SGPP2: variants seen among roughly 807,000 people sequenced by gnomAD.
SGPP2 encodes the protein sphingosine-1-phosphate phosphatase 2.
In SGPP2, 30 loss-of-function variants were observed where a neutral mutation model predicts 33.9. The observed-to-expected ratio is 0.89, with a 90% CI of 0.66 to 1.20. SGPP2 has a LOEUF of 1.20. Among genes scored for constraint, SGPP2 ranks in the 50% most tolerant of loss-of-function variants. SGPP2 has a pLI of 0.00. For missense variants in SGPP2, 458 were observed against 532.1 expected, an observed-to-expected ratio of 0.86 and a Z score of 1.37; for synonymous variants, 233 against 225.0, an observed-to-expected ratio of 1.04 and a Z score of -0.32.
chr2:222,481,120 A>C (rs771773263), intron 2 of SGPP2, among the ~76,000 whole-genome samples: 2 of 152,172 alleles, frequency 1.3e-5, no homozygotes, highest in Non-Finnish European at 2.9e-5. Context: ...GAGCATCAGG[A>C]AGAATAGCTA....
rs143129067 is a variant in SGPP2, at chr2:222,505,750, G to A, written c.379-16017G>A. On this transcript the variant is annotated intron_variant, in intron 2 of 4. Transcript: ENST00000321276. ...GAAGTTCAAGACCAGCCTAGGAAAC[G>A]TGGCAAAACCCCATCTCTACAAAAA... 3.1e-3 allele frequency among the ~76,000 whole-genome samples: 467 copies of A among 151,768 alleles called. 3 individuals are homozygous for A. Among genetic ancestry groups the A allele is most frequent in the African/African-American group, 9.0e-3 (371 of 41,400 alleles).
chr2:222,518,399 A>C (rs60822315), intron 2 of SGPP2, among the ~76,000 whole-genome samples: 8,007 of 152,200 alleles, frequency 0.053, 700 homozygotes, highest in African/African-American at 0.18. Flanking sequence ...CCTGTTTCTG[A>C]TGATTTTAAG....
chr2:222,481,201 T>C (rs1371879030), intron 2 of SGPP2, among the ~76,000 whole-genome samples: 1 of 152,092 alleles, frequency 6.6e-6, no homozygotes, highest in Admixed American at 6.5e-5. Context: ...TGTCTACCTA[T>C]GCAACAAACC....
intron 4 of SGPP2, among the ~76,000 whole-genome samples, chr2:222,529,930 C>T (rs1345032887): frequency 1.3e-5 from 2 of 152,186 alleles, no homozygotes; most frequent in Non-Finnish European, 2.9e-5. Flanking sequence ...AGCAATGACT[C>T]CTTGATCCCT....
At chr2:222,527,656 C>T (rs1209648929) in intron 4 of SGPP2, among the ~76,000 whole-genome samples, 1 of 152,174 alleles carries the variant, frequency 6.6e-6, no homozygotes, top group Non-Finnish European at 1.5e-5. Context: ...TTGTCCCCAA[C>T]CCCATCTGTT....
Position 222,521,752 on chromosome 2 carries a change from C to T in SGPP2, c.379-15C>T, listed in dbSNP as rs748763115. 4.4e-6 allele frequency: 7 copies of T among 1,594,436 alleles called. No homozygotes were observed. Among genetic ancestry groups the T allele is most frequent in the Non-Finnish European group, 1.7e-6 (2 of 1,172,800 alleles). ...CTTATTTGATTAGACTTACCTCAGT[C>T]CTTTGGTTTTGCAGTTGGTGATGTA... On this transcript the variant is annotated splice_polypyrimidine_tract_variant and intron_variant, in intron 2 of 4. Coordinates refer to ENST00000321276, the MANE Select transcript of SGPP2 (RefSeq NM_152386.4).
rs563159290 is a variant in SGPP2, at chr2:222,561,526, A to G, written c.*2628A>G. Among the ~76,000 whole-genome samples, 2 of 141,210 alleles carry G rather than the reference A, an allele frequency of 1.4e-5. No homozygotes were observed. Among genetic ancestry groups the G allele is most frequent in the South Asian group, 4.3e-4 (2 of 4,628 alleles). 92.6% of individuals were successfully genotyped at this position (141,210 alleles called of 152,430 possible). A position where few individuals can be genotyped will look rare whatever the true frequency, so the allele number is the denominator to read the frequency against. On this transcript the variant is annotated 3_prime_UTR_variant, in exon 5 of 5. Transcript: ENST00000321276. The stretch of plus-strand genomic sequence containing the variant: ...GGCCTCTCATATATATGATATATAT[A>G]TATCATTTTATATATATATATATAT...
intron 2 of SGPP2, among the ~76,000 whole-genome samples, chr2:222,482,412 T>C (rs1399520529): frequency 6.6e-6 from 1 of 152,176 alleles, no homozygotes; most frequent in African/African-American, 2.4e-5. Context: ...GATTGATTGA[T>C]TGGAGACAGG....
chr2:222,430,238 TC>T (rs1482336161), intron 1 of SGPP2, among the ~76,000 whole-genome samples: 2 of 152,190 alleles, frequency 1.3e-5, no homozygotes, highest in African/African-American at 2.4e-5. Flanking sequence ...AGAAGCTCTT[TC>T]TTTACCTGGA....
intron 4 of SGPP2, among the ~76,000 whole-genome samples, chr2:222,541,097 G>A (rs963176771): frequency 6.6e-6 from 1 of 152,168 alleles, no homozygotes; most frequent in African/African-American, 2.4e-5. Context: ...GATTACAGGC[G>A]TGAGCCACCA....
rs1689556997 is a variant in SGPP2, at chr2:222,562,289, T to C, written c.*3391T>C. On this transcript the variant is annotated 3_prime_UTR_variant, in exon 5 of 5. Coordinates refer to ENST00000321276, the MANE Select transcript of SGPP2 (RefSeq NM_152386.4). ...CAATCTTCATCTAAAACAGCTCTCA[T>C]TTCATGCCAGTTTTGCTCAAACCTG... 6.6e-6 allele frequency among the ~76,000 whole-genome samples: 1 copy of C among 152,210 alleles called. No individual in the cohort carries two copies. The highest frequency in any genetic ancestry group is 2.1e-4 in the South Asian group (1 of 4,832).
intron 2 of SGPP2, among the ~76,000 whole-genome samples, 178 bp from the exon 3 acceptor site, chr2:222,521,589 A>G (rs1302635463): frequency 6.6e-6 from 1 of 152,260 alleles, no homozygotes; most frequent in East Asian, 1.9e-4. Context: ...GAATCCAGAA[A>G]GTCTGTTTTC....
At chr2:222,558,139 A>G (rs550585949) in intron 4 of SGPP2, among the ~76,000 whole-genome samples, 2 of 152,244 alleles carry the variant, frequency 1.3e-5, no homozygotes. Context: ...AAGATACGTA[A>G]CATGAGTAGT....
intron 1 of SGPP2, among the ~76,000 whole-genome samples, chr2:222,462,353 A>G (rs1342466287): frequency 6.6e-6 from 1 of 152,048 alleles, no homozygotes; most frequent in Non-Finnish European, 1.5e-5. Flanking sequence ...TTAGAGCAAA[A>G]GTGAGCAGGG....
intron 4 of SGPP2, among the ~76,000 whole-genome samples, chr2:222,545,861 T>C (rs1689183455): frequency 1.3e-5 from 2 of 152,120 alleles, no homozygotes; most frequent in South Asian, 4.1e-4. Context: ...AAAGGGCAAA[T>C]GGATTGTTTA....
At chr2:222,440,243 G>A (rs1357968345) in intron 1 of SGPP2, among the ~76,000 whole-genome samples, 2 of 152,190 alleles carry the variant, frequency 1.3e-5, no homozygotes, top group East Asian at 3.8e-4. Context: ...ATGTGCCAAG[G>A]AGAGCACAGA....
chr2:222,541,199 G>A (rs548007138), intron 4 of SGPP2, among the ~76,000 whole-genome samples: 8 of 152,264 alleles, frequency 5.3e-5, no homozygotes, highest in African/African-American at 9.6e-5. Context: ...GCCCACTTTC[G>A]TGTTTCTAAA....
At chr2:222,475,945 T>A (rs897333480) in intron 2 of SGPP2, among the ~76,000 whole-genome samples, 7 of 152,164 alleles carry the variant, frequency 4.6e-5, no homozygotes, top group African/African-American at 1.7e-4. Flanking sequence ...TGCACAGAGC[T>A]CTAGGCCTGG....
At chr2:222,448,148 T>A (rs2106072859) in intron 1 of SGPP2, among the ~76,000 whole-genome samples, 1 of 152,320 alleles carries the variant, frequency 6.6e-6, no homozygotes, top group East Asian at 1.9e-4. Context: ...AAACATTTAG[T>A]GTCTGCATCT....
Sources: gnomAD v4.1 joint callset for allele counts (sites outside exome capture counted in the v4.1 genomes callset) on GRCh38, gnomAD v4.1.1 for gene constraint, MANE v1.5 for transcripts, NCBI Gene and HGNC (gene_info 2026-07-23, HGNC 2026-07-21) for gene names.